The following PP2D1 variants were observed in gnomAD, a reference collection of about 807,000 sequenced individuals.
PP2D1 encodes the protein protein phosphatase 2C-like domain-containing protein 1.
PP2D1 carries 25 observed loss-of-function variants against 30.2 expected under a neutral mutation model. The ratio of observed to expected loss-of-function variants is 0.83; its 90% CI spans 0.60 to 1.16. PP2D1 has a LOEUF of 1.16. PP2D1 is among the 50% of genes most tolerant of loss of function. The pLI is 0.00. For missense variants in PP2D1, 760 were observed against 742.4 expected (o/e 1.02, Z -0.28); for synonymous variants, 260 against 258.9 (o/e 1.00, Z -0.04).
intron 1 of PP2D1, 89 bp downstream of exon 1, chr3:20,011,952 TTTCATCTGA>T (rs766318596): frequency 1.1e-6 from 1 of 917,908 alleles, no homozygotes. Context: ...GAAGCCAAGG[TTTCATCTGA>T]TAATTAAGAA....
chr3:19,999,535 C>G (rs28597881), intron 2 of PP2D1, among the ~76,000 whole-genome samples: 1 of 146,226 alleles, frequency 6.8e-6, no homozygotes, highest in Non-Finnish European at 1.5e-5. Context: ...GCACCTGCCA[C>G]GCCTGGCTAA....
chr3:19,995,713 A>G (rs985243699), intron 2 of PP2D1, among the ~76,000 whole-genome samples: 1 of 152,234 alleles, frequency 6.6e-6, no homozygotes, highest in Admixed American at 6.5e-5. Flanking sequence ...AGTTATTATA[A>G]CTGTATGCCA....
At chr3:19,993,107 C>G (rs1226633382) in intron 2 of PP2D1, among the ~76,000 whole-genome samples, 2 of 152,080 alleles carry the variant, frequency 1.3e-5, no homozygotes, top group African/African-American at 4.8e-5. Flanking sequence ...AAAGTTGTGC[C>G]TGGTCTCTGA....
chr3:19,993,094 G>A (rs1343827293), intron 2 of PP2D1, among the ~76,000 whole-genome samples: 1 of 152,054 alleles, frequency 6.6e-6, no homozygotes, highest in Non-Finnish European at 1.5e-5. Flanking sequence ...TGAAATGGTG[G>A]GTAAAGTTGT....
intron 1 of PP2D1, among the ~76,000 whole-genome samples, chr3:20,003,216 CA>C (rs1697277169): frequency 6.6e-6 from 1 of 151,230 alleles, no homozygotes; most frequent in South Asian, 2.1e-4. Context: ...AACTGTAAAA[CA>C]ACCTCAGACA....
rs1042992405 is a variant in PP2D1 at position 20,006,949 on chromosome 3, G to A, written c.24-4853C>T. Among the ~76,000 whole-genome samples, 33 of 150,408 alleles carry A rather than the reference G, an allele frequency of 2.2e-4. 1 individual carries two copies. The highest frequency in any genetic ancestry group is 2.1e-3 in the Admixed American group (31 of 14,952). On this transcript the variant is annotated intron_variant, in intron 1 of 2. Coordinates refer to ENST00000389050, the MANE Select transcript of PP2D1 (RefSeq NM_001252657.2). ...CCGCCTAAAATATATATACGTATGT[G>A]TGTATATATATATACATATATATAC...
At chr3:19,992,353 CA>C (rs201633809) in intron 2 of PP2D1, among the ~76,000 whole-genome samples, 2 of 151,282 alleles carry the variant, frequency 1.3e-5, no homozygotes, top group Non-Finnish European at 2.9e-5. Context: ...GCACCACCAT[CA>C]AAAAAAACGG....
intron 2 of PP2D1, among the ~76,000 whole-genome samples, chr3:19,994,641 T>G (rs962407101): frequency 1.3e-5 from 2 of 152,220 alleles, no homozygotes; most frequent in African/African-American, 2.4e-5. Flanking sequence ...TATATGGAAT[T>G]TCTTATCTTT....
Position 19,985,374 on chromosome 3 carries a change from A to AT in PP2D1, c.*5dup. The AT allele has an allele frequency of 3.3e-6, 5 of 1,513,380 alleles. No individual in the cohort carries two copies. The highest frequency in any genetic ancestry group is 3.5e-6 in the Non-Finnish European group (4 of 1,134,590). The allele number at this position is 1,513,380 out of a possible 1,614,324, so 93.7% of individuals were successfully genotyped here. A position where few individuals can be genotyped will look rare whatever the true frequency, so the allele number is the denominator to read the frequency against. On this transcript the variant is annotated 3_prime_UTR_variant, in exon 3 of 3. Transcript: ENST00000389050. ...TGGTGCTCTGGATAATTGGAACTTT[A>AT]TTTTTTTATGTCAGAAGCTGATATT...
chr3:19,991,523 A>T (rs1022673267), intron 2 of PP2D1, among the ~76,000 whole-genome samples: 1 of 152,206 alleles, frequency 6.6e-6, no homozygotes, highest in Non-Finnish European at 1.5e-5. Flanking sequence ...GGAAAAATAA[A>T]AACACACCTA....
chr3:20,012,018 G>A (rs946962347), intron 1 of PP2D1, 32 bp downstream of exon 1: 34 of 1,484,916 alleles, frequency 2.3e-5, no homozygotes, highest in African/African-American at 2.1e-4. Flanking sequence ...TTGGCTATAC[G>A]TATTATCCAA....
chr3:20,004,842 C>T (rs983048832), intron 1 of PP2D1, among the ~76,000 whole-genome samples: 3 of 152,260 alleles, frequency 2.0e-5, no homozygotes, highest in Non-Finnish European at 4.4e-5. Context: ...TGCAGTGGCT[C>T]ATACCTATAA....
Position 19,985,662 on chromosome 3 carries a change from T to G in PP2D1, c.1611A>C (p.Ser537=). 8 of 1,535,976 alleles carry G rather than the reference T, an allele frequency of 5.2e-6. No individual in the cohort carries two copies. The highest frequency in any genetic ancestry group is 7.0e-6 in the Non-Finnish European group (8 of 1,146,730). Residue 537 remains serine, a synonymous_variant, in exon 3 of 3, where the codon TCA becomes TCC. Transcript: ENST00000389050. ...TATAAATACAGTATTTAGAATAGTT[T>G]GAATCGGATAAATTTTCTTTGGAAT... ...TTNSKENLSD[S]NYSKYCIYNP...
intron 1 of PP2D1, among the ~76,000 whole-genome samples, chr3:20,004,174 T>C (rs1459732025): frequency 6.6e-6 from 1 of 152,240 alleles, no homozygotes; most frequent in Non-Finnish European, 1.5e-5. Context: ...CAATGTCTTA[T>C]TGTACCTCTT....
downstream of PP2D1, chr3:19,985,249 T>G: frequency 1.5e-6 from 1 of 672,138 alleles, no homozygotes; most frequent in Non-Finnish European, 2.5e-6. Context: ...TATGACCTAG[T>G]ATCCGCTTTT....
chr3:20,001,881 A>G lies in PP2D1; in HGVS notation c.239T>C (p.Leu80Pro). 10 of 1,536,164 alleles carry G rather than the reference A, an allele frequency of 6.5e-6. No individual in the cohort carries two copies. Among genetic ancestry groups the G allele is most frequent in the Non-Finnish European group, 8.7e-6 (10 of 1,146,900 alleles). The part of the protein sequence containing the change: ...KHEIDLTGIF[L>P]HKKQHVALAT... ...CAGAGCTACATGTTGCTTCTTATGG[A>G]GAAAAATACCAGTTAGGTCAATTTC... Residue 80 changes from leucine (L) to proline (P), a missense_variant, in exon 2 of 3, where the codon CTC (leucine) becomes CCC (proline). Leu to Pro is a moderately conservative substitution (Grantham distance 98, BLOSUM62 -3). Around this residue, in one of 3 missense-constraint regions of PP2D1, gnomAD observed 374 missense variants for 388.8 expected, o/e 0.96. Transcript: ENST00000389050.
In PP2D1 at chr3:19,985,736, C is replaced by T. The variant is rs1015646037; in HGVS notation, c.1537G>A (p.Val513Ile). 1.8e-5 allele frequency: 27 copies of T among 1,535,864 alleles called. No homozygotes were observed. The highest frequency in any genetic ancestry group is 1.5e-5 in the Non-Finnish European group (17 of 1,146,718). ...GATACAGATTTATACTGAAACAATA[C>T]GTGGATATTACTCTGTGATTTAGTA... is the stretch of plus-strand genomic sequence containing the variant. Reference protein sequence around the residue: ...NLTKSQSNIHVLFQYKSVSEV... With the variant: ...NLTKSQSNIHILFQYKSVSEV... Residue 513 changes from valine to isoleucine, a missense_variant, in exon 3 of 3, where the codon GTA (valine) becomes ATA (isoleucine). By Grantham distance (29) the Val-to-Ile change is conservative. Around this residue, in one of 3 missense-constraint regions of PP2D1, gnomAD observed 369 missense variants for 316.2 expected, o/e 1.17. Transcript: ENST00000389050.
At chr3:20,005,379 C>T (rs1244070612) in intron 1 of PP2D1, among the ~76,000 whole-genome samples, 1 of 151,908 alleles carries the variant, frequency 6.6e-6, no homozygotes, top group African/African-American at 2.4e-5. Flanking sequence ...CTTGAACTCC[C>T]GACCTCAGGT....
downstream of PP2D1, among the ~76,000 whole-genome samples, chr3:19,982,763 T>TAAA (rs62910362): frequency 2.1e-5 from 3 of 139,832 alleles, no homozygotes; most frequent in Non-Finnish European, 3.1e-5. Context: ...CCTTGTCTCT[T>TAAA]AAAAAAAAAA....
Sources: allele counts gnomAD v4.1 joint callset (sites outside exome capture counted in the v4.1 genomes callset), GRCh38; gene constraint gnomAD v4.1.1; regional missense constraint gnomAD v4.1.1; transcripts MANE v1.5; gene names NCBI Gene and HGNC (gene_info 2026-07-23, HGNC 2026-07-21).